PHEX: variants seen among roughly 807,000 people sequenced by gnomAD.
The protein encoded by PHEX is phosphate regulating endopeptidase X-linked.
In PHEX, 16 loss-of-function variants were observed where a neutral mutation model predicts 68.0. The ratio of observed to expected loss-of-function variants is 0.24; its 90% confidence interval spans 0.16 to 0.36. The LOEUF is 0.36. Among genes scored for constraint, PHEX ranks in the 10% least tolerant of loss-of-function variants. PHEX has a pLI of 1.00. For synonymous variants in PHEX, 208 were observed against 205.1 expected (o/e 1.01, Z -0.12); for missense variants, 480 against 575.5 (o/e 0.83, Z 1.70).
At chrX:22,107,596 G>C (rs901444462) in intron 9 of PHEX, among the ~76,000 whole-genome samples, 1 of 111,550 alleles carries the variant, frequency 9.0e-6, no homozygotes, top group African/African-American at 3.3e-5. Context: ...CATATCAGCC[G>C]ATTCCACCAT....
At chrX:22,043,672 C>T (rs150845948) in intron 2 of PHEX, among the ~76,000 whole-genome samples, 1 of 111,540 alleles carries the variant, frequency 9.0e-6, no homozygotes, top group Non-Finnish European at 1.9e-5. Flanking sequence ...ATTATTATTA[C>T]TACTCTCTCC....
At chrX:22,076,965 T>G (rs1233835027) in intron 4 of PHEX, among the ~76,000 whole-genome samples, 1 of 112,212 alleles carries the variant, frequency 8.9e-6, no homozygotes, top group Non-Finnish European at 1.9e-5. Context: ...CCACTTGACC[T>G]GGTCTGCCTT....
chrX:22,201,280 G>A (rs998299991), intron 15 of PHEX, among the ~76,000 whole-genome samples: 7 of 111,198 alleles, frequency 6.3e-5, no homozygotes, highest in African/African-American at 2.0e-4. Flanking sequence ...GGGTTCAAGC[G>A]ATTCCCCTGC....
intron 12 of PHEX, among the ~76,000 whole-genome samples, chrX:22,135,871 G>A (rs890660339): frequency 7.2e-5 from 8 of 111,362 alleles, no homozygotes; most frequent in African/African-American, 2.6e-4. Flanking sequence ...TCCACGACAG[G>A]TACAAATATC....
rs142762136 is a variant in PHEX at position 22,062,217 on chromosome X, G to C, written c.350-14171G>C. Among the ~76,000 whole-genome samples, 767 of 111,365 alleles carry C rather than the reference G, an allele frequency of 6.9e-3. 4 individuals carry two copies. The highest frequency in any genetic ancestry group is 0.024 in the African/African-American group (737 of 30,611). ...GGGATTAGAATTTGAGATGAGATTT[G>C]GGTGGAGACAGAGCCAAACCATAAC... On this transcript the variant is annotated intron_variant, in intron 3 of 21. Transcript: ENST00000379374.
At chrX:22,237,111 T>C (rs757446712) in intron 20 of PHEX, among the ~76,000 whole-genome samples, 1 of 112,466 alleles carries the variant, frequency 8.9e-6, no homozygotes, top group East Asian at 2.8e-4. Flanking sequence ...GTAAAATTAC[T>C]TTCCCTCCTG....
intron 11 of PHEX, among the ~76,000 whole-genome samples, chrX:22,128,720 A>G (rs754071391): frequency 4.7e-4 from 52 of 110,959 alleles, no homozygotes; most frequent in Non-Finnish European, 8.1e-4. Flanking sequence ...TCAACTTTTT[A>G]TTATTTATTG....
rs1255261975 is a variant in PHEX, at chrX:22,096,995, A to G, written c.890A>G (p.Tyr297Cys). ...PHENRTSEAM[Y>C]NKMNISELSA... The stretch of plus-strand genomic sequence containing the variant: ...GAAAACCGAACCAGCGAGGCCATGT[A>G]CAACAAAATGAACATTTCTGAACTG... The change falls in exon 8 of 22, where the codon TAC becomes TGC. Residue 297 changes from tyrosine (Y) to cysteine (C), a missense_variant. By Grantham distance (194) the Tyr-to-Cys change is radical. Transcript: ENST00000379374. 3.3e-6 allele frequency: 4 copies of G among 1,204,786 alleles called. No homozygotes were observed. Among genetic ancestry groups the G allele is most frequent in the Non-Finnish European group, 4.5e-6 (4 of 890,219 alleles).
At position 22,223,407 on chromosome X, in the gene PHEX, A is replaced by G. The variant is rs149353578; in HGVS notation, c.1899+1664A>G. ...GAGGCAGACCAGAGTTCAAGGAGCC[A>G]GAGGGGTGAGGCTGCTCCAAAAGGC... On this transcript the variant is annotated intron_variant, in intron 18 of 21. Coordinates refer to ENST00000379374, the MANE Select transcript of PHEX (RefSeq NM_000444.6). Among the ~76,000 whole-genome samples the G allele has an allele frequency of 3.9e-3, 430 of 111,191 alleles. 3 individuals carry two copies. The highest frequency in any genetic ancestry group is 0.013 in the African/African-American group (401 of 30,560).
chrX:22,166,905 C>T (rs1434642064), intron 12 of PHEX, among the ~76,000 whole-genome samples: 1 of 112,033 alleles, frequency 8.9e-6, no homozygotes, highest in East Asian at 2.8e-4. Context: ...TTTCACTTAG[C>T]ATGAAGTCCT....
At chrX:22,170,417 A>T (rs989946772) in intron 13 of PHEX, among the ~76,000 whole-genome samples, 14 of 111,294 alleles carry the variant, frequency 1.3e-4, no homozygotes, top group African/African-American at 4.2e-4. Flanking sequence ...CCACCTTGTT[A>T]CCTAGGGTAG....
chrX:22,248,184 A>G lies in PHEX; in HGVS notation c.*231A>G, dbSNP rs946863800. ...TGTTTCTTTAGAAAATCAAACCAAC[A>G]AAAATAAATCCCTAGGCTACTTTTG... On this transcript the variant is annotated 3_prime_UTR_variant, in exon 22 of 22. Transcript: ENST00000379374. 12 of 409,702 alleles carry G rather than the reference A, an allele frequency of 2.9e-5. No homozygotes were observed. Among genetic ancestry groups the G allele is most frequent in the Non-Finnish European group, 4.7e-5 (11 of 234,859 alleles). The allele number at this position is 409,702 out of a possible 1,213,427, so 33.8% of individuals were successfully genotyped here. A position where few individuals can be genotyped will look rare whatever the true frequency, so the allele number is the denominator to read the frequency against.
At chrX:22,060,517 C>T (rs1342093815) in intron 3 of PHEX, among the ~76,000 whole-genome samples, 1 of 111,563 alleles carries the variant, frequency 9.0e-6, no homozygotes, top group East Asian at 2.8e-4. Flanking sequence ...TTTTGACTTG[C>T]AGCAGGGAAT....
chrX:22,080,728 AAC>A (rs1491017969), intron 5 of PHEX, among the ~76,000 whole-genome samples: 109 of 97,802 alleles, frequency 1.1e-3, no homozygotes, highest in Non-Finnish European at 1.5e-3. Context: ...TTAAAAAACA[AAC>A]AAAAAAAATA....
intron 5 of PHEX, among the ~76,000 whole-genome samples, chrX:22,086,052 T>C (rs1929614444): frequency 1.8e-5 from 2 of 112,157 alleles, no homozygotes; most frequent in African/African-American, 6.5e-5. Context: ...TGCCTTTTTT[T>C]CTGGCACTAA....
At chrX:22,165,906 A>G (rs1336470540) in intron 12 of PHEX, among the ~76,000 whole-genome samples, 1 of 112,129 alleles carries the variant, frequency 8.9e-6, no homozygotes, top group Non-Finnish European at 1.9e-5. Context: ...TCAACTCTAC[A>G]ACTGTACTGC....
chrX:22,246,297 C>G (rs993395706), intron 21 of PHEX, among the ~76,000 whole-genome samples: 1 of 111,758 alleles, frequency 8.9e-6, no homozygotes, highest in African/African-American at 3.2e-5. Context: ...TGTATTCATT[C>G]TTTGTTTAGG....
chrX:22,207,427 A>G (rs1303119770), intron 15 of PHEX, among the ~76,000 whole-genome samples: 1 of 111,851 alleles, frequency 8.9e-6, no homozygotes, highest in South Asian at 3.7e-4. Context: ...TCTGTAATAC[A>G]CACACACTTC....
intron 15 of PHEX, among the ~76,000 whole-genome samples, chrX:22,207,678 A>C: frequency 9.0e-6 from 1 of 111,582 alleles, no homozygotes; most frequent in East Asian, 2.8e-4. Flanking sequence ...TTACTCTATT[A>C]ACTAAATTTA....
Sources: gnomAD v4.1 joint callset for allele counts (sites outside exome capture counted in the v4.1 genomes callset) on GRCh38, gnomAD v4.1.1 for gene constraint, MANE v1.5 for transcripts, NCBI Gene and HGNC (gene_info 2026-07-23, HGNC 2026-07-21) for gene names.